The following CD109 variants were observed in gnomAD, a reference collection of about 807,000 sequenced individuals.
CD109 encodes CD109 antigen.
A neutral mutation model predicts 165.8 loss-of-function variants in CD109; 149 were observed. The observed-to-expected ratio is 0.90, with a 90% CI of 0.79 to 1.03. The LOEUF is 1.03. CD109 is among the 50% of genes least tolerant of loss of function. The pLI, the probability that CD109 is intolerant of heterozygous loss-of-function variation, is 0.00. For synonymous variants in CD109, 585 were observed against 592.1 expected, an observed-to-expected ratio of 0.99 and a Z score of 0.18; for missense variants, 1,712 against 1,677.8, an observed-to-expected ratio of 1.02 and a Z score of -0.36.
chr6:73,822,418 T>C (rs1776136491), intron 32 of CD109, among the ~76,000 whole-genome samples: 2 of 152,210 alleles, frequency 1.3e-5, no homozygotes, highest in Non-Finnish European at 2.9e-5. Context: ...AGTTCTCTCC[T>C]CATAGTCAAC....
intron 3 of CD109, among the ~76,000 whole-genome samples, chr6:73,729,487 T>C (rs1772265804): frequency 8.1e-6 from 1 of 123,422 alleles, no homozygotes. Context: ...GTAGGACTTC[T>C]ATTGTTATTA....
At chr6:73,711,388 G>A (rs533415509) in intron 2 of CD109, among the ~76,000 whole-genome samples, 9 of 152,102 alleles carry the variant, frequency 5.9e-5, no homozygotes, top group Admixed American at 3.3e-4. Flanking sequence ...GTATGTAAGG[G>A]ACCAAAGGAG....
intron 2 of CD109, among the ~76,000 whole-genome samples, chr6:73,718,128 T>A (rs924424410): frequency 6.6e-6 from 1 of 151,992 alleles, no homozygotes; most frequent in Non-Finnish European, 1.5e-5. Flanking sequence ...CTGGGCAACA[T>A]AGGGAGACCC....
At position 73,818,491 on chromosome 6, in the gene CD109, A is replaced by C. The variant is rs1009170404; in HGVS notation, c.4015A>C (p.Lys1339Gln). 1.4e-5 allele frequency: 23 copies of C among 1,613,308 alleles called. No homozygotes were observed. In the African/African-American group the frequency reaches 2.4e-4, roughly 17 times the overall value. ...AATTTCTCTGAGCGAGACAGTGAAG[A>C]AAGTGGAATATGATCATGGAAAACT... ...EAISLSETVKKVEYDHGKLNL... is the reference protein window; with the variant it reads ...EAISLSETVKQVEYDHGKLNL... Residue 1339 changes from lysine (K) to glutamine (Q), a missense_variant, in exon 31 of 33, where the codon AAA becomes CAA. Physicochemically the swap from Lys to Gln is moderately conservative, Grantham distance 53 (BLOSUM62 1). Transcript: ENST00000287097.
intron 23 of CD109, among the ~76,000 whole-genome samples, chr6:73,795,043 TA>T (rs1277814354): frequency 6.6e-6 from 1 of 150,712 alleles, no homozygotes; most frequent in Non-Finnish European, 1.5e-5. Flanking sequence ...ATTAAGGAGA[TA>T]AGTAAAAATT....
the CD109 span, among the ~76,000 whole-genome samples, chr6:73,688,761 G>GTTTTTTT: frequency 1.2e-4 from 9 of 73,530 alleles, 2 homozygotes; most frequent in East Asian, 4.3e-4. Context: ...GTTTTTCTTT[G>GTTTTTTT]TTTTTTTTTT....
At chr6:73,806,153 A>G (rs971349859) in intron 24 of CD109, among the ~76,000 whole-genome samples, 1 of 152,220 alleles carries the variant, frequency 6.6e-6, no homozygotes, top group Non-Finnish European at 1.5e-5. Flanking sequence ...AAAATGTGGC[A>G]CATATACACC....
intron 20 of CD109, among the ~76,000 whole-genome samples, chr6:73,786,514 A>C (rs958906296): frequency 6.6e-6 from 1 of 152,050 alleles, no homozygotes. Flanking sequence ...AACAAGCAAA[A>C]GATCTAGAGT....
chr6:73,785,590 A>G (rs1774657164), intron 20 of CD109, 113 bp downstream of exon 20: 3 of 571,160 alleles, frequency 5.3e-6, no homozygotes, highest in Non-Finnish European at 9.1e-6. Flanking sequence ...CACTTTATAC[A>G]TTTCTGGGAG....
chr6:73,756,620 T>A (rs1773401419), intron 5 of CD109, 23 bp from the exon 6 acceptor site: 3 of 1,514,710 alleles, frequency 2.0e-6, no homozygotes, highest in Non-Finnish European at 2.7e-6. Flanking sequence ...TTTCCTGTCT[T>A]TTTTTTCTCC....
At chr6:73,797,919 C>T (rs1775222824) in intron 23 of CD109, among the ~76,000 whole-genome samples, 1 of 152,080 alleles carries the variant, frequency 6.6e-6, no homozygotes, top group Non-Finnish European at 1.5e-5. Context: ...GATTACTTTT[C>T]AAACTCAAGA....
Position 73,782,870 on chromosome 6 carries a change from A to G in CD109, c.2105+115A>G, listed in dbSNP as rs1743053015. On this transcript the variant is annotated intron_variant, in intron 18 of 32. Coordinates refer to ENST00000287097, the MANE Select transcript of CD109 (RefSeq NM_133493.5). ...AACATAGTGTAACTAAGAACTAAGT[A>G]GACCAAAAGGATTTTTTAGGAAATG... The G allele has an allele frequency of 4.5e-6, 4 of 886,280 alleles. No homozygotes were observed. The Admixed American group carries it at 8.1e-5, about 18-fold the overall frequency. 54.9% of individuals were successfully genotyped at this position (886,280 alleles called of 1,614,324 possible). A position where few individuals can be genotyped will look rare whatever the true frequency, so the allele number is the denominator to read the frequency against.
intron 2 of CD109, among the ~76,000 whole-genome samples, chr6:73,698,532 T>C (rs1238158410): frequency 2.6e-5 from 4 of 152,140 alleles, no homozygotes; most frequent in Admixed American, 2.6e-4. Flanking sequence ...AAAAAAAATT[T>C]AAGGCACGTA....
intron 5 of CD109, among the ~76,000 whole-genome samples, chr6:73,747,158 C>G (rs1187253596): frequency 6.6e-6 from 1 of 152,200 alleles, no homozygotes; most frequent in African/African-American, 2.4e-5. Flanking sequence ...AGAAAACTTG[C>G]AGTGTTGACA....
rs1238550102 is a variant in CD109 at position 73,795,499 on chromosome 6, A to AG, written c.2878+2699dup. ...TCCCTCAGGTCAGTCCTGGCCAGGTAGGTGGCCAAACTGTAGTTTTTCAAA... is the reference window on the plus strand; with the variant it reads ...TCCCTCAGGTCAGTCCTGGCCAGGTAGGGTGGCCAAACTGTAGTTTTTCAAA... On this transcript the variant is annotated intron_variant, in intron 23 of 32. Transcript: ENST00000287097. Among the ~76,000 whole-genome samples, 7 of 152,166 alleles carry AG rather than the reference A, an allele frequency of 4.6e-5. No homozygotes were observed. In the East Asian group the frequency reaches 9.6e-4, roughly 21 times the overall value.
intron 23 of CD109, among the ~76,000 whole-genome samples, chr6:73,793,514 C>G (rs560262105): frequency 1.3e-5 from 2 of 152,136 alleles, no homozygotes; most frequent in African/African-American, 4.8e-5. Context: ...TTAGCATGAT[C>G]CTGTTTTTTT....
intron 2 of CD109, 71 bp from the exon 3 acceptor site, chr6:73,723,180 T>C (rs1451762929): frequency 3.1e-6 from 5 of 1,605,752 alleles, no homozygotes; most frequent in Non-Finnish European, 3.4e-6. Context: ...TGGGAGAGTT[T>C]TGGAAGGTTT....
Position 73,767,924 on chromosome 6 carries a change from C to A in CD109, c.1498-131C>A, listed in dbSNP as rs1308205441. On this transcript the variant is annotated intron_variant, in intron 13 of 32. Coordinates refer to ENST00000287097, the MANE Select transcript of CD109 (RefSeq NM_133493.5). ...TGTGTTTGTCAGAGAGGTTTTCCTG[C>A]ATTCCAAAAGACTTTGAAGCTGGTT... is the stretch of plus-strand genomic sequence containing the variant. 4.0e-6 allele frequency: 3 copies of A among 741,222 alleles called. No homozygotes were observed. In the East Asian group the frequency reaches 7.7e-5, roughly 19 times the overall value. 45.9% of individuals were successfully genotyped at this position (741,222 alleles called of 1,614,324 possible).
intron 4 of CD109, among the ~76,000 whole-genome samples, chr6:73,733,358 A>AC (rs1327175557): frequency 6.6e-6 from 1 of 152,164 alleles, no homozygotes; most frequent in East Asian, 1.9e-4. Flanking sequence ...TAAGATACTG[A>AC]CTGTCACAGC....
Sources: allele counts gnomAD v4.1 joint callset (sites outside exome capture counted in the v4.1 genomes callset), GRCh38; gene constraint gnomAD v4.1.1; transcripts MANE v1.5; gene names NCBI Gene and HGNC (gene_info 2026-07-23, HGNC 2026-07-21).